The following REEP5 variants were observed in gnomAD, a reference collection of about 807,000 sequenced individuals.
REEP5 encodes receptor accessory protein 5, also known as receptor expression-enhancing protein 5.
In REEP5, 24 loss-of-function variants were observed where a neutral mutation model predicts 22.4. The ratio of observed to expected loss-of-function variants is 1.07; its 90% CI spans 0.78 to 1.51. The LOEUF (loss-of-function observed/expected upper bound fraction) is 1.51, where lower values mean the gene tolerates loss of function less well. REEP5 is among the 40% of genes most tolerant of loss of function. The probability of loss-of-function intolerance (pLI) is 0.00; values close to 1 mark genes in which losing one functional copy is unlikely to be tolerated. For synonymous variants in REEP5, 103 were observed against 88.6 expected (o/e 1.16, Z -0.92); for missense variants, 252 against 233.0 (o/e 1.08, Z -0.53).
intron 2 of REEP5, among the ~76,000 whole-genome samples, chr5:112,903,696 T>C (rs1768895410): frequency 6.6e-6 from 1 of 152,212 alleles, no homozygotes; most frequent in East Asian, 1.9e-4. Context: ...CTTGTACAGT[T>C]AATTAGAAGC....
intron 2 of REEP5, among the ~76,000 whole-genome samples, chr5:112,917,438 G>C (rs543354866): frequency 8.5e-5 from 13 of 152,186 alleles, no homozygotes; most frequent in Non-Finnish European, 1.9e-4. Flanking sequence ...GGCAGCCCAA[G>C]TCTTAAGGAA....
At chr5:112,899,024 C>A (rs1194920707) in intron 3 of REEP5, among the ~76,000 whole-genome samples, 2 of 152,030 alleles carry the variant, frequency 1.3e-5, no homozygotes, top group Non-Finnish European at 2.9e-5. Flanking sequence ...CATATAGTGT[C>A]TTGTCTTTTT....
At chr5:112,910,642 A>G (rs1475752248) in intron 2 of REEP5, among the ~76,000 whole-genome samples, 1 of 152,210 alleles carries the variant, frequency 6.6e-6, no homozygotes, top group African/African-American at 2.4e-5. Context: ...TCTGCAGCTC[A>G]ATCTCTCCAT....
intron 3 of REEP5, chr5:112,892,502 C>T (rs1373540307): frequency 3.7e-6 from 6 of 1,614,018 alleles, no homozygotes; most frequent in African/African-American, 2.7e-5. Context: ...TGCCAAGCAG[C>T]CCTTTCTCTG....
chr5:112,897,351 TCACACACACACACACACACACACACA>T (rs34612314), intron 3 of REEP5: 3 of 97,790 alleles, frequency 3.1e-5, no homozygotes, highest in Admixed American at 1.8e-4. Context: ...ACACATCCCA[TCACACACACACACACACACACACACA>T]CACACACACA....
chr5:112,883,073 C>T (rs1198293156), intron 4 of REEP5, among the ~76,000 whole-genome samples: 1 of 152,156 alleles, frequency 6.6e-6, no homozygotes, highest in African/African-American at 2.4e-5. Flanking sequence ...TCATTTTTTG[C>T]TCTGTTGAAT....
chr5:112,885,791 G>A (rs1355873765), intron 4 of REEP5: 1 of 239,662 alleles, frequency 4.2e-6, no homozygotes, highest in African/African-American at 2.3e-5. Context: ...GTCTGAGACA[G>A]AGAGCCAAGC....
intron 2 of REEP5, among the ~76,000 whole-genome samples, chr5:112,910,830 C>A (rs1207918509): frequency 1.3e-5 from 2 of 152,184 alleles, no homozygotes; most frequent in Non-Finnish European, 2.9e-5. Flanking sequence ...TCCTACTCAC[C>A]CACAGAGCCC....
At position 112,921,939 on chromosome 5, in the gene REEP5, C is replaced by T; in HGVS notation, c.118+134G>A. 2 of 1,160,660 alleles carry T rather than the reference C, an allele frequency of 1.7e-6. 1 individual carries two copies. Among genetic ancestry groups the T allele is most frequent in the Non-Finnish European group, 2.3e-6 (2 of 868,496 alleles). The allele number at this position is 1,160,660 out of a possible 1,614,324, so 71.9% of individuals were successfully genotyped here. On this transcript the variant is annotated intron_variant, in intron 1 of 4. Transcript: ENST00000379638. ...ACGCTTTCCGGGAGGCCAGCCTGAT[C>T]CCTGAATATGCTGCTTGTCCCGTCT...
chr5:112,880,153 A>G (rs1003594685), intron 4 of REEP5, among the ~76,000 whole-genome samples: 14 of 152,046 alleles, frequency 9.2e-5, no homozygotes, highest in African/African-American at 3.1e-4. Context: ...GCTCATGTCT[A>G]TAATCCCAGA....
chr5:112,887,049 C>T lies in REEP5; in HGVS notation c.486G>A (p.Lys162=), dbSNP rs1376905641. 6.2e-7 allele frequency: 1 copy of T among 1,612,622 alleles called. No homozygotes were observed. The highest frequency in any genetic ancestry group is 8.5e-7 in the Non-Finnish European group (1 of 1,179,130). ...MDSVVKDLKD[K]AKETADAITK... is the part of the protein sequence containing the mutation. ...TGATGGCATCTGCAGTCTCTTTGGCCTTGTCTTTAAGGTCCTTGACCACAC... is the reference window on the plus strand; with the variant it reads ...TGATGGCATCTGCAGTCTCTTTGGCTTTGTCTTTAAGGTCCTTGACCACAC... The change falls in exon 4 of 5, where the codon AAG becomes AAA. Residue 162 remains lysine, a synonymous_variant. Coordinates refer to ENST00000379638, the MANE Select transcript of REEP5 (RefSeq NM_005669.5).
intron 2 of REEP5, among the ~76,000 whole-genome samples, chr5:112,904,212 G>T (rs1227780655): frequency 6.6e-6 from 1 of 152,206 alleles, no homozygotes; most frequent in Non-Finnish European, 1.5e-5. Flanking sequence ...CACAAAGTCT[G>T]TATTTTTTTA....
chr5:112,909,842 A>C (rs1214224480), intron 2 of REEP5, among the ~76,000 whole-genome samples: 2 of 152,184 alleles, frequency 1.3e-5, no homozygotes, highest in Non-Finnish European at 1.5e-5. Context: ...CATGTGAAGA[A>C]AACAAGGTTG....
intron 2 of REEP5, among the ~76,000 whole-genome samples, chr5:112,914,987 C>A (rs1580755355): frequency 6.6e-6 from 1 of 152,226 alleles, no homozygotes; most frequent in South Asian, 2.1e-4. Flanking sequence ...TTAATTCATA[C>A]TTCCCCAAAA....
At chr5:112,888,855 C>G (rs1315251604) in intron 3 of REEP5, among the ~76,000 whole-genome samples, 3 of 150,692 alleles carry the variant, frequency 2.0e-5, no homozygotes, top group African/African-American at 7.4e-5. Flanking sequence ...CCACCCAAAT[C>G]TCATCTTGAA....
intron 4 of REEP5, among the ~76,000 whole-genome samples, chr5:112,881,534 T>G (rs1473580607): frequency 6.6e-6 from 1 of 152,210 alleles, no homozygotes; most frequent in African/African-American, 2.4e-5. Context: ...GGCTGTGCCC[T>G]GAGGACACTG....
At chr5:112,885,800 G>A in intron 4 of REEP5, 1 of 226,518 alleles carries the variant, frequency 4.4e-6, no homozygotes, top group Non-Finnish European at 9.3e-6. Flanking sequence ...AGAGAGCCAA[G>A]CTAATGCGGT....
At chr5:112,912,093 A>G (rs896282103) in intron 2 of REEP5, among the ~76,000 whole-genome samples, 2 of 152,118 alleles carry the variant, frequency 1.3e-5, no homozygotes, top group Non-Finnish European at 2.9e-5. Flanking sequence ...ATTTGTCCTA[A>G]ACGTTTGACA....
rs1193376229 is a variant in REEP5 at position 112,878,302 on chromosome 5, A to G, written c.*484T>C. On this transcript the variant is annotated 3_prime_UTR_variant, in exon 5 of 5. Coordinates refer to ENST00000379638, the MANE Select transcript of REEP5 (RefSeq NM_005669.5). ...CTTCCCCTGCTCCCTCCCCATGAGC[A>G]TGATGCATGTTGTAGTCAGACAGTA... 1 of 156,000 alleles carries G rather than the reference A, an allele frequency of 6.4e-6. No homozygotes were observed. Among genetic ancestry groups the G allele is most frequent in the Admixed American group, 6.3e-5 (1 of 15,904 alleles). The allele number at this position is 156,000 out of a possible 1,614,324, so 9.7% of individuals were successfully genotyped here.
Sources: gnomAD v4.1 joint callset for allele counts (sites outside exome capture counted in the v4.1 genomes callset) on GRCh38, gnomAD v4.1.1 for gene constraint, MANE v1.5 for transcripts, NCBI Gene and HGNC (gene_info 2026-07-23, HGNC 2026-07-21) for gene names.